The following CCDC110 variants were observed in gnomAD, a reference collection of about 807,000 sequenced individuals.
The protein encoded by CCDC110 is coiled-coil domain containing 110.
A neutral mutation model predicts 77.1 loss-of-function variants in CCDC110; 70 were observed. The ratio of observed to expected loss-of-function variants is 0.91; its 90% CI spans 0.75 to 1.11. The LOEUF (loss-of-function observed/expected upper bound fraction) is 1.11. Ranked by LOEUF, CCDC110 falls within the 50% of genes least tolerant of loss-of-function variation. The probability of loss-of-function intolerance (pLI) is 0.00; values close to 1 mark genes in which losing one functional copy is unlikely to be tolerated. For missense variants in CCDC110, 868 were observed against 942.9 expected (o/e 0.92, Z 1.04); for synonymous variants, 295 against 312.5 (o/e 0.94, Z 0.59).
intron 4 of CCDC110, 70 bp from the exon 5 acceptor site, chr4:185,461,229 CATT>C: frequency 1.4e-6 from 1 of 735,242 alleles, no homozygotes. Flanking sequence ...GAATAATAGA[CATT>C]ATAATTAAAA....
At position 185,459,728 on chromosome 4, in the gene CCDC110, G is replaced by C; in HGVS notation, c.859C>G (p.His287Asp). Residue 287 changes from histidine (H) to aspartate (D), a missense_variant, in exon 6 of 7, where the codon CAC becomes GAC. His to Asp is a moderately conservative substitution (Grantham distance 81). Transcript: ENST00000307588. ...RNGKYDMSPI[H>D]QDKMNFIKEE... The stretch of plus-strand genomic sequence containing the variant: ...TTAATAAAGTTCATTTTATCCTGGT[G>C]AATAGGGGACATGTCATATTTACCA... The C allele has an allele frequency of 6.2e-7, 1 of 1,613,562 alleles. No individual in the cohort carries two copies. Among genetic ancestry groups the C allele is most frequent in the Non-Finnish European group, 8.5e-7 (1 of 1,179,846 alleles).
intron 6 of CCDC110, among the ~76,000 whole-genome samples, chr4:185,453,193 C>A (rs1426558228): frequency 1.3e-5 from 2 of 152,090 alleles, no homozygotes; most frequent in East Asian, 3.9e-4. Context: ...CATGGTGAGA[C>A]CCTGTCTCTA....
intron 2 of CCDC110, among the ~76,000 whole-genome samples, chr4:185,467,705 T>G (rs973870888): frequency 1.3e-5 from 2 of 152,244 alleles, no homozygotes; most frequent in African/African-American, 4.8e-5. Flanking sequence ...TTGTATTCAA[T>G]GTATACAAAA....
chr4:185,462,858 C>G (rs2095648881), intron 3 of CCDC110, 136 bp downstream of exon 3: 1 of 1,023,864 alleles, frequency 9.8e-7, no homozygotes, highest in African/African-American at 1.6e-5. Context: ...ATTTTGCTAA[C>G]TCCCCAATGT....
At chr4:185,469,476 C>A (rs34608638) in intron 2 of CCDC110, among the ~76,000 whole-genome samples, 21,161 of 152,098 alleles carry the variant, frequency 0.14, 2,649 homozygotes, top group African/African-American at 0.33. Context: ...TCATTCATGT[C>A]AAAAAACATG....
chr4:185,447,225 A>G (rs764879833), intron 6 of CCDC110, among the ~76,000 whole-genome samples: 94 of 150,674 alleles, frequency 6.2e-4, no homozygotes, highest in Admixed American at 1.4e-3. Context: ...TCTGTCGCCC[A>G]GGCTGGAATG....
At chr4:185,453,204 AAAAC>A (rs548032521) in intron 6 of CCDC110, among the ~76,000 whole-genome samples, 101 of 152,292 alleles carry the variant, frequency 6.6e-4, no homozygotes, top group African/African-American at 2.4e-3. Context: ...CCTGTCTCTA[AAAAC>A]AAACAAACTA....
rs757870300 is a variant in CCDC110, at chr4:185,457,818, A to G, written c.2461+308T>C. 5.0e-6 allele frequency: 7 copies of G among 1,395,574 alleles called. No individual in the cohort carries two copies. In the South Asian group the frequency reaches 5.5e-5, roughly 11 times the overall value. 86.4% of individuals were successfully genotyped at this position (1,395,574 alleles called of 1,614,324 possible). The stretch of plus-strand genomic sequence containing the variant: ...ATGATACAGTTTACTTGGAATTCCT[A>G]GGGAAAAAAAAAAGAATTCTTTTAA... On this transcript the variant is annotated intron_variant, in intron 6 of 6. Transcript: ENST00000307588.
chr4:185,467,087 C>T (rs2095657628), intron 2 of CCDC110, among the ~76,000 whole-genome samples: 1 of 152,078 alleles, frequency 6.6e-6, no homozygotes, highest in South Asian at 2.1e-4. Context: ...GATTTGAGAA[C>T]AGGAGGAGTG....
intron 2 of CCDC110, among the ~76,000 whole-genome samples, chr4:185,465,499 GACCCATGGGAGC>G (rs2095653894): frequency 6.6e-6 from 1 of 152,124 alleles, no homozygotes; most frequent in South Asian, 2.1e-4. Flanking sequence ...CAGCTTAGTG[GACCCATGGGAGC>G]ACAAGATGAG....
chr4:185,461,510 T>C (rs1325659719), intron 4 of CCDC110, among the ~76,000 whole-genome samples: 1 of 152,244 alleles, frequency 6.6e-6, no homozygotes, highest in Non-Finnish European at 1.5e-5. Flanking sequence ...TCCCTGCAGG[T>C]GCTTTTAGTA....
rs1489712154 is a variant in CCDC110, at chr4:185,458,393, AT to A, written c.2193del (p.Lys731AsnfsTer16). The A allele has an allele frequency of 6.3e-7, 1 of 1,593,756 alleles. No individual in the cohort carries two copies. The highest frequency in any genetic ancestry group is 8.5e-7 in the Non-Finnish European group (1 of 1,171,602). On this transcript the variant is annotated frameshift_variant, in exon 6 of 7. Transcript: ENST00000307588. LOFTEE classifies it high-confidence loss of function. Reference protein sequence around the residue: ...ELKKHSQENIKFENSISRLTE... With the variant: ...ELKKHSQENIXFENSISRLTE... ...GTAAGTCTACTGATGCTGTTTTCAAATTTTATATTTTCTTGACTATGTTTCT... is the reference window on the plus strand; with the variant it reads ...GTAAGTCTACTGATGCTGTTTTCAAATTTATATTTTCTTGACTATGTTTCT...
chr4:185,455,185 G>GT (rs201392784), intron 6 of CCDC110, among the ~76,000 whole-genome samples: 3,204 of 151,952 alleles, frequency 0.021, 33 homozygotes, highest in South Asian at 0.033. Context: ...TATTGTCAAT[G>GT]TTTTTTTAAC....
chr4:185,445,679 C>T (rs991703433), intron 6 of CCDC110, 137 bp from the exon 7 acceptor site: 6 of 567,916 alleles, frequency 1.1e-5, no homozygotes, highest in African/African-American at 9.7e-5. Flanking sequence ...TGAAAAAGTT[C>T]TTTGGAGTAA....
chr4:185,458,120 G>T lies in CCDC110; in HGVS notation c.2461+6C>A. On this transcript the variant is annotated splice_donor_region_variant and intron_variant, in intron 6 of 6. Coordinates refer to ENST00000307588, the MANE Select transcript of CCDC110 (RefSeq NM_152775.4). ...CATCTCTACTAATCTACCAGGACTTGCGTACCTTTCAAATCCGAAGCCAAA... is the reference window on the plus strand; with the variant it reads ...CATCTCTACTAATCTACCAGGACTTTCGTACCTTTCAAATCCGAAGCCAAA... The T allele has an allele frequency of 6.5e-7, 1 of 1,532,836 alleles. No homozygotes were observed. The highest frequency in any genetic ancestry group is 8.7e-7 in the Non-Finnish European group (1 of 1,146,826). 95.0% of individuals were successfully genotyped at this position (1,532,836 alleles called of 1,614,324 possible).
chr4:185,458,836 T>G lies in CCDC110; in HGVS notation c.1751A>C (p.Glu584Ala), dbSNP rs1472654284. The G allele has an allele frequency of 6.2e-7, 1 of 1,604,768 alleles. No homozygotes were observed. Among genetic ancestry groups the G allele is most frequent in the Non-Finnish European group, 8.5e-7 (1 of 1,177,874 alleles). ...TGTTTTTTTCTCTAACATTTCTTTT[T>G]CATCTTGTATCAACAGAATATTGGT... ...MKTNILLIQD[E>A]KEMLEKKTHQ... The change falls in exon 6 of 7, where the codon GAA becomes GCA. Residue 584 changes from glutamate (E) to alanine (A), a missense_variant. Glu to Ala is a moderately radical substitution (Grantham distance 107). Transcript: ENST00000307588.
At chr4:185,470,911 G>T in intron 2 of CCDC110, 34 bp downstream of exon 2, 1 of 1,469,482 alleles carries the variant, frequency 6.8e-7, no homozygotes, top group Non-Finnish European at 9.5e-7. Flanking sequence ...CCTGTGTATA[G>T]TTAAAGGAGC....
At chr4:185,449,811 T>C in intron 6 of CCDC110, 1 of 451,132 alleles carries the variant, frequency 2.2e-6, no homozygotes. Context: ...AGTTAATAAA[T>C]AGTATTTGCT....
At position 185,468,303 on chromosome 4, in the gene CCDC110, G is replaced by A. The variant is rs1013369977; in HGVS notation, c.115+2642C>T. On this transcript the variant is annotated intron_variant, in intron 2 of 6. Coordinates refer to ENST00000307588, the MANE Select transcript of CCDC110 (RefSeq NM_152775.4). This position sits in a 1 kb window ranked among gnomAD's most constrained non-coding sequence, Gnocchi z 4.5. ...CCAGTTTGTAGATAAAGCCCTTACT[G>A]AGGTGTACGAGGTGTACGGCACATA... is the stretch of plus-strand genomic sequence containing the variant. 3.9e-5 allele frequency among the ~76,000 whole-genome samples: 6 copies of A among 152,212 alleles called. No individual in the cohort carries two copies. Among genetic ancestry groups the A allele is most frequent in the Non-Finnish European group, 8.8e-5 (6 of 68,034 alleles).
Sources: allele counts gnomAD v4.1 joint callset (sites outside exome capture counted in the v4.1 genomes callset), GRCh38; gene constraint gnomAD v4.1.1; non-coding constraint Gnocchi (gnomAD v3.1); transcripts MANE v1.5; gene names NCBI Gene and HGNC (gene_info 2026-07-23, HGNC 2026-07-21).